Variants in DLG2 observed in about 807,000 individuals in gnomAD.
DLG2 encodes disks large homolog 2.
In DLG2, 45 loss-of-function variants were observed where a neutral mutation model predicts 132.5. That is an observed-to-expected ratio of 0.34 (90% confidence interval 0.27 to 0.44). The LOEUF is 0.44. Ranked by LOEUF, DLG2 falls within the 20% of genes least tolerant of loss-of-function variation. DLG2 has a pLI of 1.00. For missense variants in DLG2, 1,045 were observed against 1,196.9 expected (o/e 0.87, Z 1.87); for synonymous variants, 424 against 419.6 (o/e 1.01, Z -0.13).
chr11:85,475,043 C>T (rs1032929837), intron 3 of DLG2, among the ~76,000 whole-genome samples: 1 of 151,298 alleles, frequency 6.6e-6, no homozygotes, highest in African/African-American at 2.4e-5. Flanking sequence ...ATTTTAAAGA[C>T]TAATAAGATA....
intron 6 of DLG2, among the ~76,000 whole-genome samples, chr11:84,540,935 A>T (rs963236729): frequency 2.6e-5 from 4 of 152,098 alleles, no homozygotes; most frequent in African/African-American, 9.7e-5. Flanking sequence ...GCAAACTATC[A>T]CAAGGACAGA....
intron 9 of DLG2, among the ~76,000 whole-genome samples, chr11:84,147,449 G>A (rs1353504886): frequency 1.3e-5 from 2 of 152,040 alleles, no homozygotes; most frequent in African/African-American, 4.8e-5. Flanking sequence ...GATTAGAAAT[G>A]GGGAGTCATT....
intron 9 of DLG2, among the ~76,000 whole-genome samples, chr11:84,105,230 G>A (rs978670523): frequency 2.6e-5 from 4 of 152,124 alleles, no homozygotes; most frequent in Admixed American, 6.5e-5. Flanking sequence ...AAGTGATACG[G>A]TTTAGTGGAA....
chr11:84,573,382 T>TATTTTTATA (rs1565339346), intron 6 of DLG2, among the ~76,000 whole-genome samples: 1 of 152,174 alleles, frequency 6.6e-6, no homozygotes, highest in African/African-American at 2.4e-5. Flanking sequence ...TTCAAAGTAT[T>TATTTTTATA]ATTTTTATAA....
chr11:85,012,430 A>G (rs1398551833), intron 6 of DLG2, among the ~76,000 whole-genome samples: 1 of 151,778 alleles, frequency 6.6e-6, no homozygotes, highest in Non-Finnish European at 1.5e-5. Context: ...AGGCTGAGGC[A>G]GGAGAATCGC....
intron 15 of DLG2, among the ~76,000 whole-genome samples, chr11:83,889,264 AAAAC>A (rs1405626507): frequency 6.6e-6 from 1 of 152,102 alleles, no homozygotes; most frequent in Non-Finnish European, 1.5e-5. Flanking sequence ...TTACAAGAAA[AAAAC>A]AAACAATCCC....
chr11:83,870,610 T>C (rs905848873), intron 16 of DLG2, among the ~76,000 whole-genome samples: 9 of 152,146 alleles, frequency 5.9e-5, no homozygotes, highest in Non-Finnish European at 7.3e-5. Flanking sequence ...TGTGAAGGGC[T>C]CAGCTGTGGG....
intron 7 of DLG2, among the ~76,000 whole-genome samples, chr11:84,318,505 G>T (rs1004818726): frequency 5.9e-5 from 9 of 152,286 alleles, no homozygotes; most frequent in African/African-American, 1.9e-4. Context: ...GGATTGACCA[G>T]GTGCTGGGGC....
At chr11:83,501,000 G>T (rs2139085450) in intron 21 of DLG2, among the ~76,000 whole-genome samples, 1 of 151,738 alleles carries the variant, frequency 6.6e-6, no homozygotes, top group African/African-American at 2.4e-5. Flanking sequence ...CAACTCAAAG[G>T]GTCAGAAAGC....
intron 6 of DLG2, among the ~76,000 whole-genome samples, chr11:84,743,717 G>A (rs2064988732): frequency 1.3e-5 from 2 of 151,778 alleles, no homozygotes; most frequent in Non-Finnish European, 2.9e-5. Context: ...CGCCAAGAAA[G>A]TCTAACATAC....
At chr11:85,580,192 G>A (rs2078423874) in intron 3 of DLG2, among the ~76,000 whole-genome samples, 1 of 152,120 alleles carries the variant, frequency 6.6e-6, no homozygotes, top group South Asian at 2.1e-4. Flanking sequence ...CCAGCCACAT[G>A]GAACTGTAAG....
At chr11:84,264,793 G>C (rs2097592909) in intron 7 of DLG2, among the ~76,000 whole-genome samples, 1 of 152,122 alleles carries the variant, frequency 6.6e-6, no homozygotes, top group Admixed American at 6.6e-5. Flanking sequence ...ACCGTTACTG[G>C]ATAAGAACAT....
At chr11:84,699,108 C>A (rs935000076) in intron 6 of DLG2, among the ~76,000 whole-genome samples, 8 of 151,420 alleles carry the variant, frequency 5.3e-5, no homozygotes, top group Non-Finnish European at 1.2e-4. Flanking sequence ...ATCCCCAAGT[C>A]TCTTCAGACC....
At chr11:83,672,763 G>A (rs1210608700) in intron 18 of DLG2, among the ~76,000 whole-genome samples, 2 of 152,112 alleles carry the variant, frequency 1.3e-5, no homozygotes, top group Non-Finnish European at 2.9e-5. Context: ...TCAAATCCCT[G>A]TCTTCAAGAA....
chr11:83,843,751 G>C (rs2058081058), intron 16 of DLG2, among the ~76,000 whole-genome samples: 1 of 152,072 alleles, frequency 6.6e-6, no homozygotes, highest in African/African-American at 2.4e-5. Flanking sequence ...TTGTCTCATG[G>C]GGAAGTGTTG....
At chr11:83,522,746 C>G (rs1037996644) in intron 21 of DLG2, among the ~76,000 whole-genome samples, 5 of 151,194 alleles carry the variant, frequency 3.3e-5, no homozygotes, top group African/African-American at 7.3e-5. Flanking sequence ...GAAAGAGAAG[C>G]TATTTGCTCC....
At chr11:83,824,459 T>C (rs1425574600) in intron 17 of DLG2, among the ~76,000 whole-genome samples, 10 of 152,210 alleles carry the variant, frequency 6.6e-5, no homozygotes, top group Admixed American at 6.5e-4. Flanking sequence ...TGAATGTCTC[T>C]GAGCTCTGCA....
At chr11:84,914,630 A>G (rs911197441) in intron 6 of DLG2, among the ~76,000 whole-genome samples, 9 of 152,208 alleles carry the variant, frequency 5.9e-5, no homozygotes, top group Non-Finnish European at 4.4e-5. Context: ...CCTAAGTCTA[A>G]TAAGGGTGAG....
intron 14 of DLG2, among the ~76,000 whole-genome samples, chr11:83,953,575 C>T (rs1041630874): frequency 1.3e-5 from 2 of 152,142 alleles, no homozygotes; most frequent in Non-Finnish European, 2.9e-5. Flanking sequence ...TTAGGGACCA[C>T]TGATATATGA....
Sources: gnomAD v4.1 joint callset for allele counts (sites outside exome capture counted in the v4.1 genomes callset) on GRCh38, gnomAD v4.1.1 for gene constraint, MANE v1.5 for transcripts, NCBI Gene and HGNC (gene_info 2026-07-23, HGNC 2026-07-21) for gene names.